The following PDRG1 variants were observed in gnomAD, a reference collection of about 807,000 sequenced individuals.
PDRG1 encodes the protein p53 and DNA damage-regulated protein 1.
A neutral mutation model predicts 18.4 loss-of-function variants in PDRG1; 14 were observed. The ratio of observed to expected loss-of-function variants is 0.76; its 90% CI spans 0.50 to 1.19. PDRG1 has a LOEUF of 1.19. PDRG1 is among the 50% of genes most tolerant of loss of function. The pLI is 0.00. For missense variants in PDRG1, 177 were observed against 160.1 expected, an observed-to-expected ratio of 1.11 and a Z score of -0.57; for synonymous variants, 65 against 60.9, an observed-to-expected ratio of 1.07 and a Z score of -0.31.
At chr20:31,947,738 A>C (rs1377945508) in intron 3 of PDRG1, among the ~76,000 whole-genome samples, 3 of 152,118 alleles carry the variant, frequency 2.0e-5, no homozygotes, top group Non-Finnish European at 4.4e-5. Flanking sequence ...AAAAACACAA[A>C]AATTAGCCAC....
rs922168485 is a variant in PDRG1 at position 31,952,003 on chromosome 20, G to A, written c.-42C>T. On this transcript the variant is annotated 5_prime_UTR_variant, in exon 1 of 5. Coordinates refer to ENST00000202017, the MANE Select transcript of PDRG1 (RefSeq NM_030815.3). The stretch of plus-strand genomic sequence containing the variant: ...GCTTGCGGCTCTCGCGCGACCCCGG[G>A]ATCTCCGCTTCGACTCCCGCTGCGC... The A allele has an allele frequency of 6.0e-6, 9 of 1,499,880 alleles. No homozygotes were observed. The African/African-American group carries it at 7.2e-5, about 12-fold the overall frequency. The allele number at this position is 1,499,880 out of a possible 1,614,324, so 92.9% of individuals were successfully genotyped here. A position where few individuals can be genotyped will look rare whatever the true frequency, so the allele number is the denominator to read the frequency against.
At chr20:31,950,906 C>G (rs559988224) in intron 1 of PDRG1, among the ~76,000 whole-genome samples, 1 of 152,196 alleles carries the variant, frequency 6.6e-6, no homozygotes, top group Non-Finnish European at 1.5e-5. Context: ...TTTGGAATAC[C>G]CAGGTTCGAA....
In PDRG1 at chr20:31,946,357, T is replaced by C. The variant is rs906480666; in HGVS notation, c.319+139A>G. ...TCCCTGGGCAGCTACAACCAACCAC[T>C]GTGCACACCTCCAGGGCCACTCACA... On this transcript the variant is annotated intron_variant, in intron 4 of 4. Coordinates refer to ENST00000202017, the MANE Select transcript of PDRG1 (RefSeq NM_030815.3). The C allele has an allele frequency of 1.1e-5, 8 of 758,064 alleles. No homozygotes were observed. The African/African-American group carries it at 1.4e-4, about 13-fold the overall frequency. 47.0% of individuals were successfully genotyped at this position (758,064 alleles called of 1,614,324 possible). A position where few individuals can be genotyped will look rare whatever the true frequency, so the allele number is the denominator to read the frequency against.
At chr20:31,945,917 G>C in intron 4 of PDRG1, 28 bp from the exon 5 acceptor site, 1 of 1,588,146 alleles carries the variant, frequency 6.3e-7, no homozygotes, top group Non-Finnish European at 8.6e-7. Context: ...CCATCAGCAC[G>C]TCGGGCCTCC....
chr20:31,951,506 C>G (rs180828509), intron 1 of PDRG1, among the ~76,000 whole-genome samples: 6 of 152,318 alleles, frequency 3.9e-5, no homozygotes, highest in African/African-American at 7.2e-5. Context: ...CACGTCCCCA[C>G]CCCTGCCCGG....
In PDRG1 at chr20:31,951,994, C is replaced by A; in HGVS notation, c.-33G>T. The A allele has an allele frequency of 1.3e-6, 2 of 1,514,658 alleles. No homozygotes were observed. Among genetic ancestry groups the A allele is most frequent in the Non-Finnish European group, 1.8e-6 (2 of 1,133,458 alleles). 93.8% of individuals were successfully genotyped at this position (1,514,658 alleles called of 1,614,324 possible). ...ACCAACTCCGCTTGCGGCTCTCGCG[C>A]GACCCCGGGATCTCCGCTTCGACTC... is the stretch of plus-strand genomic sequence containing the variant. On this transcript the variant is annotated 5_prime_UTR_variant, in exon 1 of 5. Transcript: ENST00000202017.
Position 31,951,895 on chromosome 20 carries a change from C to A in PDRG1, c.67G>T (p.Val23Leu), listed in dbSNP as rs765247648. 2.5e-6 allele frequency: 4 copies of A among 1,588,666 alleles called. No individual in the cohort carries two copies. Among genetic ancestry groups the A allele is most frequent in the Non-Finnish European group, 3.4e-6 (4 of 1,168,860 alleles). Reference protein sequence around the residue: ...LVEVEELAEEVLADKRQIVDL... With the variant: ...LVEVEELAEELLADKRQIVDL... Reference sequence around the variant, plus strand: ...CTCACCTGCCGCTTGTCCGCCAGCACCTCCTCGGCGAGCTCCTCCACTTCT... The same window carrying A: ...CTCACCTGCCGCTTGTCCGCCAGCAACTCCTCGGCGAGCTCCTCCACTTCT... The change falls in exon 1 of 5, where the codon GTG becomes TTG. Residue 23 changes from valine (V) to leucine (L), a missense_variant. Transcript: ENST00000202017.
In PDRG1 at chr20:31,951,941, C is replaced by T; in HGVS notation, c.21G>A (p.Glu7=). The change falls in exon 1 of 5, where the codon GAG becomes GAA. Residue 7 remains glutamate, a synonymous_variant. Coordinates refer to ENST00000202017, the MANE Select transcript of PDRG1 (RefSeq NM_030815.3). MLSPEA[E]RVLRYLVEVE... ...CTTCTACAAGGTACCGCAGCACTCG[C>T]TCTGCCTCGGGTGATAGCATAGCGC... 3.2e-6 allele frequency: 5 copies of T among 1,582,008 alleles called. No individual in the cohort carries two copies. The highest frequency in any genetic ancestry group is 1.2e-5 in the South Asian group (1 of 86,412).
intron 3 of PDRG1, among the ~76,000 whole-genome samples, 177 bp downstream of exon 3, chr20:31,948,631 T>TA (rs2064333225): frequency 6.6e-6 from 1 of 150,710 alleles, no homozygotes; most frequent in South Asian, 2.1e-4. Flanking sequence ...ATCCCCCTCT[T>TA]AGAGATGAGG....
chr20:31,951,990 C>A lies in PDRG1; in HGVS notation c.-29G>T, dbSNP rs200488584. The A allele has an allele frequency of 2.0e-6, 3 of 1,517,560 alleles. No individual in the cohort carries two copies. The highest frequency in any genetic ancestry group is 4.6e-5 in the Admixed American group (2 of 43,460). 94.0% of individuals were successfully genotyped at this position (1,517,560 alleles called of 1,614,324 possible). A position where few individuals can be genotyped will look rare whatever the true frequency, so the allele number is the denominator to read the frequency against. ...GCCCACCAACTCCGCTTGCGGCTCT[C>A]GCGCGACCCCGGGATCTCCGCTTCG... is the stretch of plus-strand genomic sequence containing the variant. On this transcript the variant is annotated 5_prime_UTR_variant, in exon 1 of 5. Transcript: ENST00000202017.
intron 1 of PDRG1, among the ~76,000 whole-genome samples, chr20:31,951,507 C>A (rs1454027265): frequency 6.6e-6 from 1 of 152,192 alleles, no homozygotes; most frequent in African/African-American, 2.4e-5. Flanking sequence ...ACGTCCCCAC[C>A]CCTGCCCGGT....
intron 3 of PDRG1, among the ~76,000 whole-genome samples, chr20:31,947,132 G>A (rs1353580280): frequency 6.6e-6 from 1 of 152,214 alleles, no homozygotes; most frequent in Admixed American, 6.5e-5. Flanking sequence ...CTGCCCCTGA[G>A]AAGAGTTGGT....
At chr20:31,947,404 G>A (rs983162127) in intron 3 of PDRG1, among the ~76,000 whole-genome samples, 2 of 152,174 alleles carry the variant, frequency 1.3e-5, no homozygotes, top group Admixed American at 1.3e-4. Context: ...ACCCCTCTAG[G>A]TACAGTGACA....
chr20:31,950,474 C>T (rs2064345473), intron 1 of PDRG1, 87 bp from the exon 2 acceptor site: 3 of 973,216 alleles, frequency 3.1e-6, no homozygotes, highest in Non-Finnish European at 4.9e-6. Flanking sequence ...AGAGGCAATG[C>T]ATTATTCCTG....
intron 1 of PDRG1, among the ~76,000 whole-genome samples, chr20:31,951,054 G>A (rs913303984): frequency 2.0e-5 from 3 of 152,188 alleles, no homozygotes; most frequent in Non-Finnish European, 4.4e-5. Context: ...CACATAGTAA[G>A]TAGCTGATAA....
Position 31,945,564 on chromosome 20 carries a change from A to G in PDRG1, c.*243T>C, listed in dbSNP as rs1021529065. On this transcript the variant is annotated 3_prime_UTR_variant, in exon 5 of 5. Coordinates refer to ENST00000202017, the MANE Select transcript of PDRG1 (RefSeq NM_030815.3). ...CCCACACACCCACTGGTGGCTACCA[A>G]GGCCCGTCAATAGATCTTGTGTCCA... The G allele has an allele frequency of 9.4e-6, 4 of 427,348 alleles. No homozygotes were observed. Among genetic ancestry groups the G allele is most frequent in the African/African-American group, 8.2e-5 (4 of 49,066 alleles). The allele number at this position is 427,348 out of a possible 1,614,324, so 26.5% of individuals were successfully genotyped here.
rs1398129764 is a variant in PDRG1, at chr20:31,946,479, C to T, written c.319+17G>A. ...ATTCCCTCCCCTTCTTATCTCCAGT[C>T]CCTGCTAAGCCAATACCTTGGGCCT... On this transcript the variant is annotated intron_variant, in intron 4 of 4. Coordinates refer to ENST00000202017, the MANE Select transcript of PDRG1 (RefSeq NM_030815.3). 1.3e-6 allele frequency: 2 copies of T among 1,581,984 alleles called. No homozygotes were observed. The highest frequency in any genetic ancestry group is 2.7e-5 in the African/African-American group (2 of 74,160).
rs140650422 is a variant in PDRG1, at chr20:31,946,520, C to T, written c.295G>A (p.Val99Ile). Residue 99 changes from valine to isoleucine, a missense_variant, in exon 4 of 5, where the codon GTC (valine) becomes ATC (isoleucine). Val to Ile is a conservative substitution (Grantham distance 29, BLOSUM62 3). Coordinates refer to ENST00000202017, the MANE Select transcript of PDRG1 (RefSeq NM_030815.3). The part of the protein sequence containing the change: ...EKLRKQLKVK[V>I]NRLFEAQGKP... ...CCTTGGGCCTCAAAAAGGCGGTTGA[C>T]CTTCACTTTAAGTTGCTTCCGCAGT... 8 of 1,612,978 alleles carry T rather than the reference C, an allele frequency of 5.0e-6. No individual in the cohort carries two copies. The highest frequency in any genetic ancestry group is 6.8e-6 in the Non-Finnish European group (8 of 1,179,072).
In PDRG1 at chr20:31,945,907, C is replaced by A. The variant is rs552621030; in HGVS notation, c.320-18G>T. The stretch of plus-strand genomic sequence containing the variant: ...CGGTTTGCCTAGGAGAGAAGATGAT[C>A]CATCAGCACGTCGGGCCTCCTGCTG... On this transcript the variant is annotated intron_variant, in intron 4 of 4. Transcript: ENST00000202017. 3 of 1,607,184 alleles carry A rather than the reference C, an allele frequency of 1.9e-6. No individual in the cohort carries two copies. In the Admixed American group the frequency reaches 5.0e-5, roughly 27 times the overall value.
Sources: gnomAD v4.1 joint callset for allele counts (sites outside exome capture counted in the v4.1 genomes callset) on GRCh38, gnomAD v4.1.1 for gene constraint, MANE v1.5 for transcripts, NCBI Gene and HGNC (gene_info 2026-07-23, HGNC 2026-07-21) for gene names.